Variants in MROH1 observed in about 807,000 individuals in gnomAD.
MROH1 encodes the protein maestro heat-like repeat-containing protein family member 1.
In MROH1, 117 loss-of-function variants were observed where a neutral mutation model predicts 116.5. The observed-to-expected ratio is 1.00, with a 90% CI of 0.86 to 1.17. The LOEUF is 1.17. Ranked by LOEUF, MROH1 falls within the 50% of genes most tolerant of loss-of-function variation. MROH1 has a pLI of 0.00. For missense variants in MROH1, 1,873 were observed against 1,338.5 expected (o/e 1.40, Z -6.23); for synonymous variants, 921 against 583.9 (o/e 1.58, Z -8.32).
At chr8:144,233,553 C>T (rs961288142) in intron 14 of MROH1, among the ~76,000 whole-genome samples, 1 of 142,442 alleles carries the variant, frequency 7.0e-6, no homozygotes. Context: ...TCTCTCTCTA[C>T]GAATTTCACT....
Position 144,239,361 on chromosome 8 carries a change from T to C in MROH1, c.1630T>C (p.Leu544=), listed in dbSNP as rs1840591041. 5 of 780,428 alleles carry C rather than the reference T, an allele frequency of 6.4e-6. No individual in the cohort carries two copies. The South Asian group carries it at 6.7e-5, about 10-fold the overall frequency. The allele number at this position is 780,428 out of a possible 1,614,324, so 48.3% of individuals were successfully genotyped here. Residue 544 remains leucine, a splice_region_variant and synonymous_variant, in exon 17 of 44, where the codon TTG becomes CTG. Transcript: ENST00000326134. ...PSPYAVTGRL[L]VVSSSPYLGD... ...TCCCTATGCTGTAACCGGAAGACTGTTGGTGAGCCTCGCCCTTTCACAGCG... is the reference window on the plus strand; with the variant it reads ...TCCCTATGCTGTAACCGGAAGACTGCTGGTGAGCCTCGCCCTTTCACAGCG...
chr8:144,246,945 G>A (rs988713055), intron 29 of MROH1, among the ~76,000 whole-genome samples: 1 of 152,202 alleles, frequency 6.6e-6, no homozygotes, highest in African/African-American at 2.4e-5. Flanking sequence ...GGCAGAGCCC[G>A]TGCACTCCTC....
intron 33 of MROH1, chr8:144,251,244 C>CT (rs1273756870): frequency 1.3e-5 from 2 of 154,178 alleles, no homozygotes; most frequent in African/African-American, 4.8e-5. Flanking sequence ...CAGGCACCTT[C>CT]TGCTCAGAGG....
chr8:144,214,332 T>C (rs1834813929), intron 12 of MROH1: 1 of 152,326 alleles, frequency 6.6e-6, no homozygotes, highest in African/African-American at 2.4e-5. Flanking sequence ...CCTCTCCTGA[T>C]GCTGCCACAG....
At chr8:144,204,503 C>T (rs6558321) in intron 12 of MROH1, among the ~76,000 whole-genome samples, 147,393 of 152,332 alleles carry the variant, frequency 0.97, 71,481 homozygotes, top group South Asian at 1. Context: ...AATAATCACA[C>T]AGTAAGCCTA....
At chr8:144,256,650 G>A (rs1035801531) in intron 35 of MROH1, among the ~76,000 whole-genome samples, 94 of 152,260 alleles carry the variant, frequency 6.2e-4, no homozygotes, top group African/African-American at 9.6e-4. Context: ...CGGGCCCCAC[G>A]CCCACCCCCA....
At chr8:144,185,815 CCTCGAGGGGA>C (rs1243296758) in intron 7 of MROH1, among the ~76,000 whole-genome samples, 1 of 119,428 alleles carries the variant, frequency 8.4e-6, no homozygotes, top group East Asian at 2.6e-4. Context: ...GGCGCAGGGA[CCTCGAGGGGA>C]CGTGAGGGGC....
intron 4 of MROH1, among the ~76,000 whole-genome samples, chr8:144,176,106 T>G (rs1399555022): frequency 1.3e-5 from 2 of 151,892 alleles, no homozygotes; most frequent in Non-Finnish European, 2.9e-5. Flanking sequence ...CTCATGCCTG[T>G]AATCCCAAAA....
rs764956904 is a variant in MROH1 at position 144,225,910 on chromosome 8, G to GT, written c.1338+2703dup. On this transcript the variant is annotated intron_variant, in intron 14 of 43. Coordinates refer to ENST00000326134, the MANE Select transcript of MROH1 (RefSeq NM_032450.3). ...CATATAGGCCTATGATTCATTTTTA[G>GT]TTTTTTTTTTTTTTTTTTTTTTTAG... Among the ~76,000 whole-genome samples the GT allele has an allele frequency of 7.4e-3, 646 of 87,546 alleles. 26 individuals are homozygous for GT. Among genetic ancestry groups the GT allele is most frequent in the Middle Eastern group, 0.056 (4 of 72 alleles). 57.4% of individuals were successfully genotyped at this position (87,546 alleles called of 152,430 possible).
intron 10 of MROH1, 51 bp from the exon 11 acceptor site, chr8:144,199,071 C>G: frequency 6.4e-7 from 1 of 1,564,642 alleles, no homozygotes; most frequent in Non-Finnish European, 8.7e-7. Flanking sequence ...GGGCGGGAAT[C>G]CTTCCTTCTG....
In MROH1 at chr8:144,258,927, AGCCCACTGCAGCTCC is replaced by A; in HGVS notation, c.3929+14_3929+28del. 4.1e-6 allele frequency: 3 copies of A among 727,070 alleles called. No individual in the cohort carries two copies. The South Asian group carries it at 4.4e-5, about 11-fold the overall frequency. The allele number at this position is 727,070 out of a possible 1,614,324, so 45.0% of individuals were successfully genotyped here. A position where few individuals can be genotyped will look rare whatever the true frequency, so the allele number is the denominator to read the frequency against. ...CCAGGTTGGCCAGGTGAGCGGGCCC[AGCCCACTGCAGCTCC>A]AGCACTGGCTGGGCTCCACCGGATC... On this transcript the variant is annotated intron_variant, in intron 36 of 43. Coordinates refer to ENST00000326134, the MANE Select transcript of MROH1 (RefSeq NM_032450.3).
chr8:144,201,452 A>G (rs1489096261), intron 12 of MROH1, among the ~76,000 whole-genome samples: 4 of 152,218 alleles, frequency 2.6e-5, no homozygotes, highest in Non-Finnish European at 5.9e-5. Context: ...TCCGCAGGTC[A>G]GTGCACAGTG....
Position 144,199,177 on chromosome 8 carries a change from T to C in MROH1, c.1004T>C (p.Val335Ala). 1 of 1,613,428 alleles carries C rather than the reference T, an allele frequency of 6.2e-7. No homozygotes were observed. The highest frequency in any genetic ancestry group is 8.5e-7 in the Non-Finnish European group (1 of 1,179,746). ...SPLVMSNQKE[V>A]LRCFTVLACS... ...CTGGTGATGAGTAACCAGAAGGAGG[T>C]GCTGCGCTGCTTCACTGTGCTGGGT... Residue 335 changes from valine to alanine, a missense_variant, in exon 11 of 44, where the codon GTG becomes GCG. Coordinates refer to ENST00000326134, the MANE Select transcript of MROH1 (RefSeq NM_032450.3).
At chr8:144,248,054 T>G (rs1036243729) in intron 31 of MROH1, among the ~76,000 whole-genome samples, 9,157 of 152,292 alleles carry the variant, frequency 0.06, 951 homozygotes, top group African/African-American at 0.21. Context: ...CTGTGTGGTG[T>G]TGTCCCCAGA....
intron 33 of MROH1, chr8:144,252,073 C>T (rs1842931273): frequency 5.3e-6 from 1 of 188,718 alleles, no homozygotes; most frequent in Non-Finnish European, 1.1e-5. Context: ...CCGGACAGTG[C>T]TGGGTGCCGT....
intron 5 of MROH1, 132 bp downstream of exon 5, chr8:144,179,718 T>G (rs1477040688): frequency 5.1e-6 from 6 of 1,168,660 alleles, no homozygotes; most frequent in Non-Finnish European, 7.3e-6. Context: ...CAGATGCCCT[T>G]CGGTCTCATG....
At chr8:144,220,077 C>T (rs972541277) in intron 12 of MROH1, among the ~76,000 whole-genome samples, 4 of 152,218 alleles carry the variant, frequency 2.6e-5, no homozygotes, top group African/African-American at 9.6e-5. Context: ...CTCAGCCACT[C>T]TTAGATATCC....
At chr8:144,256,638 T>TGCGGGCC (rs1843871177) in intron 35 of MROH1, among the ~76,000 whole-genome samples, 1 of 152,096 alleles carries the variant, frequency 6.6e-6, no homozygotes, top group Non-Finnish European at 1.5e-5. Flanking sequence ...GCTGTAGGGC[T>TGCGGGCC]GCGGGCCCCA....
intron 1 of MROH1, chr8:144,148,635 G>A (rs1815990201): frequency 6.5e-6 from 1 of 152,722 alleles, no homozygotes; most frequent in African/African-American, 2.4e-5. Context: ...TTTGTCCCTA[G>A]TCACGAGGAT....
Sources: allele counts gnomAD v4.1 joint callset (sites outside exome capture counted in the v4.1 genomes callset), GRCh38; gene constraint gnomAD v4.1.1; transcripts MANE v1.5; gene names NCBI Gene and HGNC (gene_info 2026-07-23, HGNC 2026-07-21).